Variants in SDCCAG8 observed in about 807,000 individuals in gnomAD.
SDCCAG8 encodes SHH signaling and ciliogenesis regulator SDCCAG8.
A neutral mutation model predicts 101.8 loss-of-function variants in SDCCAG8; 74 were observed. The observed-to-expected ratio is 0.73, with a 90% confidence interval of 0.60 to 0.88. SDCCAG8 has a LOEUF of 0.88. SDCCAG8 is among the 40% of genes least tolerant of loss of function. The pLI, the probability that SDCCAG8 is intolerant of heterozygous loss-of-function variation, is 0.00. For missense variants in SDCCAG8, 787 were observed against 822.6 expected, an observed-to-expected ratio of 0.96 and a Z score of 0.53; for synonymous variants, 281 against 292.9, an observed-to-expected ratio of 0.96 and a Z score of 0.41.
chr1:243,418,572 A>G (rs1424796869), intron 15 of SDCCAG8, among the ~76,000 whole-genome samples: 1 of 152,218 alleles, frequency 6.6e-6, no homozygotes, highest in Non-Finnish European at 1.5e-5. Flanking sequence ...ATATTTTAAT[A>G]GAACAGCCAT....
At chr1:243,386,471 G>A (rs937848690) in intron 13 of SDCCAG8, among the ~76,000 whole-genome samples, 3 of 152,108 alleles carry the variant, frequency 2.0e-5, no homozygotes, top group Non-Finnish European at 4.4e-5. Flanking sequence ...GGAGGCTAAG[G>A]CAGGCAGATC....
chr1:243,270,589 C>G (rs2068004576), intron 2 of SDCCAG8, among the ~76,000 whole-genome samples: 1 of 152,124 alleles, frequency 6.6e-6, no homozygotes, highest in Admixed American at 6.5e-5. Context: ...TGCTTTTATG[C>G]TTTGACATGT....
intron 13 of SDCCAG8, among the ~76,000 whole-genome samples, chr1:243,412,464 C>A (rs1291608338): frequency 1.3e-5 from 2 of 152,166 alleles, no homozygotes; most frequent in Non-Finnish European, 1.5e-5. Context: ...TCAAAACCAT[C>A]CAGGCCGCAA....
rs1017637007 is a variant in SDCCAG8 at position 243,410,276 on chromosome 1, C to T, written c.1617-5426C>T. On this transcript the variant is annotated intron_variant, in intron 13 of 17. Transcript: ENST00000366541. ...CCCCTGGAGCCCTGTTGTTAAATAT[C>T]GTCTGGCACACCAATGATGTTAATC... Among the ~76,000 whole-genome samples the T allele has an allele frequency of 2.0e-5, 3 of 152,146 alleles. No homozygotes were observed. In the East Asian group the frequency reaches 5.8e-4, roughly 29 times the overall value.
At chr1:243,284,998 T>A (rs2069461177) in intron 4 of SDCCAG8, among the ~76,000 whole-genome samples, 1 of 151,990 alleles carries the variant, frequency 6.6e-6, no homozygotes, top group Non-Finnish European at 1.5e-5. Flanking sequence ...TTCTCCTACC[T>A]CAGCCTCCTG....
chr1:243,348,058 C>T (rs185323603), intron 12 of SDCCAG8, among the ~76,000 whole-genome samples: 1,430 of 122,066 alleles, frequency 0.012, 58 homozygotes, highest in East Asian at 0.09. Context: ...TTTTTTAGGA[C>T]GGAGTCTCCC....
At chr1:243,456,134 G>A (rs1312556290) in intron 16 of SDCCAG8, among the ~76,000 whole-genome samples, 2 of 152,026 alleles carry the variant, frequency 1.3e-5, no homozygotes, top group Admixed American at 6.5e-5. Context: ...CGAATGAACC[G>A]GGAGCATGCA....
intron 16 of SDCCAG8, among the ~76,000 whole-genome samples, chr1:243,456,339 T>G (rs1414488461): frequency 6.6e-6 from 1 of 152,140 alleles, no homozygotes; most frequent in Non-Finnish European, 1.5e-5. Context: ...TGACCCAGGG[T>G]CACTGGGCTT....
chr1:243,421,775 C>T (rs2081024538), intron 15 of SDCCAG8, among the ~76,000 whole-genome samples: 1 of 152,150 alleles, frequency 6.6e-6, no homozygotes, highest in Non-Finnish European at 1.5e-5. Flanking sequence ...CATAAACTTT[C>T]GCTATCCTTC....
At chr1:243,310,891 T>G (rs1346149377) in intron 8 of SDCCAG8, among the ~76,000 whole-genome samples, 1 of 152,124 alleles carries the variant, frequency 6.6e-6, no homozygotes, top group South Asian at 2.1e-4. Flanking sequence ...AATAAAAAAA[T>G]TAAAGAACAA....
chr1:243,489,008 C>T lies in SDCCAG8; in HGVS notation c.1986-6C>T, dbSNP rs373079768. 137 of 1,613,256 alleles carry T rather than the reference C, an allele frequency of 8.5e-5. No individual in the cohort carries two copies. Among genetic ancestry groups the T allele is most frequent in the Non-Finnish European group, 1.1e-4 (129 of 1,180,044 alleles). On this transcript the variant is annotated splice_polypyrimidine_tract_variant and splice_region_variant and intron_variant, in intron 16 of 17. Transcript: ENST00000366541. Reference sequence around the variant, plus strand: ...CTCTTTAATTCTGCGGTGGATTTTTCTCCAGGCTAAGGCAGCTGGATAAGC... The same window carrying T: ...CTCTTTAATTCTGCGGTGGATTTTTTTCCAGGCTAAGGCAGCTGGATAAGC...
intron 16 of SDCCAG8, among the ~76,000 whole-genome samples, chr1:243,442,444 C>T (rs2082602604): frequency 1.3e-5 from 2 of 152,086 alleles, no homozygotes; most frequent in Admixed American, 1.3e-4. Context: ...GGCTGTGATG[C>T]GTCTACAGCC....
chr1:243,350,702 A>G (rs1460231437), intron 12 of SDCCAG8, among the ~76,000 whole-genome samples: 1 of 152,206 alleles, frequency 6.6e-6, no homozygotes, highest in East Asian at 1.9e-4. Flanking sequence ...GAACAAAGGG[A>G]TTTAACTACA....
At chr1:243,332,633 C>T (rs1029086413) in intron 10 of SDCCAG8, among the ~76,000 whole-genome samples, 3 of 150,982 alleles carry the variant, frequency 2.0e-5, no homozygotes, top group African/African-American at 7.3e-5. Flanking sequence ...TATCACAGAC[C>T]CGGTCTGGAG....
intron 4 of SDCCAG8, among the ~76,000 whole-genome samples, chr1:243,280,002 G>C (rs7521079): frequency 0.56 from 84,932 of 151,934 alleles, 23,954 homozygotes; most frequent in East Asian, 0.74. Context: ...ATATTTGATA[G>C]AATTCACTAG....
intron 16 of SDCCAG8, among the ~76,000 whole-genome samples, chr1:243,440,686 G>A (rs866699532): frequency 2.6e-5 from 4 of 152,264 alleles, no homozygotes; most frequent in South Asian, 4.1e-4. Context: ...CTGCTTTGTG[G>A]GATACCATGG....
chr1:243,496,613 G>A (rs1032565246), intron 17 of SDCCAG8, among the ~76,000 whole-genome samples: 3 of 152,320 alleles, frequency 2.0e-5, no homozygotes, highest in Admixed American at 6.5e-5. Flanking sequence ...AGTGAAGTGC[G>A]AAGCCCGGGC....
At chr1:243,362,589 C>T (rs1312724199) in intron 12 of SDCCAG8, among the ~76,000 whole-genome samples, 1 of 152,212 alleles carries the variant, frequency 6.6e-6, no homozygotes, top group African/African-American at 2.4e-5. Flanking sequence ...TAGTACAATG[C>T]ATGACATGTA....
At chr1:243,450,763 A>G (rs2083290270) in intron 16 of SDCCAG8, among the ~76,000 whole-genome samples, 1 of 152,152 alleles carries the variant, frequency 6.6e-6, no homozygotes, top group Non-Finnish European at 1.5e-5. Flanking sequence ...GGTTCAAGCA[A>G]TTCTGCTGCC....
Sources: gnomAD v4.1 joint callset for allele counts (sites outside exome capture counted in the v4.1 genomes callset) on GRCh38, gnomAD v4.1.1 for gene constraint, MANE v1.5 for transcripts, NCBI Gene and HGNC (gene_info 2026-07-23, HGNC 2026-07-21) for gene names.